PDE4B: variants seen among roughly 807,000 people sequenced by gnomAD.
The protein encoded by PDE4B is phosphodiesterase 4B, also known as 3',5'-cyclic-AMP phosphodiesterase 4B.
In PDE4B, 20 loss-of-function variants were observed where a neutral mutation model predicts 82.2. That is an observed-to-expected ratio of 0.24 (90% confidence interval 0.17 to 0.35). PDE4B has a LOEUF of 0.35. Among genes scored for constraint, PDE4B ranks in the 10% least tolerant of loss-of-function variants. The pLI is 1.00. For missense variants in PDE4B, 655 were observed against 907.2 expected (o/e 0.72, Z 3.57); for synonymous variants, 320 against 318.9 (o/e 1.00, Z -0.04).
At chr1:65,838,940 TAGTA>T (rs1165691083) in intron 1 of PDE4B, among the ~76,000 whole-genome samples, 1 of 152,156 alleles carries the variant, frequency 6.6e-6, no homozygotes, top group Admixed American at 6.6e-5. Context: ...ACCTTGAAGC[TAGTA>T]AGTGTTTTGT....
intron 1 of PDE4B, among the ~76,000 whole-genome samples, chr1:65,885,963 T>C (rs985940641): frequency 1.3e-5 from 2 of 151,010 alleles, no homozygotes; most frequent in Non-Finnish European, 2.9e-5. Flanking sequence ...ACTAGCCATA[T>C]GTGACTAGTG....
intron 8 of PDE4B, among the ~76,000 whole-genome samples, chr1:66,347,287 C>T: frequency 6.6e-6 from 1 of 152,100 alleles, no homozygotes; most frequent in Non-Finnish European, 1.5e-5. Flanking sequence ...ACATAACAAG[C>T]CCAACTACCT....
At chr1:65,820,142 G>A (rs372413370) in intron 1 of PDE4B, among the ~76,000 whole-genome samples, 38 of 152,200 alleles carry the variant, frequency 2.5e-4, no homozygotes, top group African/African-American at 9.2e-4. Flanking sequence ...CTGAAATTGG[G>A]AATGGAGGTG....
chr1:65,920,761 T>G (rs1251549110), intron 3 of PDE4B, among the ~76,000 whole-genome samples: 2 of 152,108 alleles, frequency 1.3e-5, no homozygotes, highest in East Asian at 3.9e-4. Flanking sequence ...GTAGCCTCAT[T>G]CTTGGCGTCA....
intron 3 of PDE4B, among the ~76,000 whole-genome samples, chr1:66,201,211 G>A (rs1224450091): frequency 6.6e-6 from 1 of 152,178 alleles, no homozygotes; most frequent in African/African-American, 2.4e-5. Context: ...TGATCATGGT[G>A]GATAAGCTTT....
At chr1:65,922,546 G>A (rs138429092) in intron 3 of PDE4B, among the ~76,000 whole-genome samples, 13 of 152,210 alleles carry the variant, frequency 8.5e-5, no homozygotes, top group African/African-American at 3.1e-4. Context: ...TCCTAATATT[G>A]AAACCTATAA....
At chr1:66,049,837 T>A (rs1654919956) in intron 3 of PDE4B, among the ~76,000 whole-genome samples, 1 of 152,044 alleles carries the variant, frequency 6.6e-6, no homozygotes, top group Non-Finnish European at 1.5e-5. Context: ...AAAATGCCTT[T>A]CACTTTAATT....
intron 3 of PDE4B, among the ~76,000 whole-genome samples, chr1:66,174,173 T>C (rs1226057963): frequency 6.6e-6 from 1 of 152,202 alleles, no homozygotes; most frequent in African/African-American, 2.4e-5. Flanking sequence ...AAAATGGAAC[T>C]CTACATTTTC....
At chr1:65,970,217 CT>C (rs34884275) in intron 3 of PDE4B, among the ~76,000 whole-genome samples, 47,629 of 143,348 alleles carry the variant, frequency 0.33, 7,881 homozygotes, top group Middle Eastern at 0.47. Flanking sequence ...CAAATATTTT[CT>C]TTTTTTTTTT....
intron 3 of PDE4B, among the ~76,000 whole-genome samples, chr1:66,116,662 C>T (rs971992159): frequency 4.6e-5 from 7 of 152,160 alleles, no homozygotes; most frequent in Admixed American, 1.3e-4. Context: ...CTTCTTGGCT[C>T]AAGCTATCCT....
chr1:65,939,150 T>C (rs764402680), intron 3 of PDE4B, among the ~76,000 whole-genome samples: 2 of 152,040 alleles, frequency 1.3e-5, no homozygotes, highest in African/African-American at 2.4e-5. Context: ...CTAATAAGGG[T>C]ATAGAAGAGA....
chr1:66,059,441 A>T (rs1570117894), intron 3 of PDE4B, among the ~76,000 whole-genome samples: 1 of 152,172 alleles, frequency 6.6e-6, no homozygotes, highest in African/African-American at 2.4e-5. Context: ...GTCTGCTTTC[A>T]TGCTGCTGAT....
In PDE4B at chr1:66,355,598, A is replaced by G. The variant is rs1393742839; in HGVS notation, c.819A>G (p.Glu273=). Reference sequence around the variant, plus strand: ...GCCGATCAGGGAACCAGGTGTCTGAATACATTTCAAATACTTTCTTAGGTA... The same window carrying G: ...GCCGATCAGGGAACCAGGTGTCTGAGTACATTTCAAATACTTTCTTAGGTA... ...EMSRSGNQVS[E]YISNTFLDKQ... is the part of the protein sequence containing the mutation. Residue 273 remains glutamate, a synonymous_variant, in exon 9 of 17, where the codon GAA becomes GAG. Transcript: ENST00000341517. 1.1e-5 allele frequency: 17 copies of G among 1,607,034 alleles called. No individual in the cohort carries two copies. The highest frequency in any genetic ancestry group is 1.4e-5 in the Non-Finnish European group (16 of 1,173,978).
At chr1:66,038,591 A>G (rs1654188285) in intron 3 of PDE4B, among the ~76,000 whole-genome samples, 1 of 152,120 alleles carries the variant, frequency 6.6e-6, no homozygotes, top group Admixed American at 6.5e-5. Context: ...GAGATGGTAG[A>G]AATAGGAAAT....
At chr1:65,863,640 A>G (rs560831234) in intron 1 of PDE4B, among the ~76,000 whole-genome samples, 6 of 152,300 alleles carry the variant, frequency 3.9e-5, no homozygotes, top group African/African-American at 1.4e-4. Flanking sequence ...TGGGAGTCTA[A>G]GTCTCTTTGT....
intron 8 of PDE4B, chr1:66,355,157 A>G (rs1662140045): frequency 2.5e-6 from 1 of 401,416 alleles, no homozygotes; most frequent in Non-Finnish European, 4.4e-6. Context: ...AACTTTTCAC[A>G]TATAATCTCC....
At position 66,280,805 on chromosome 1, in the gene PDE4B, A is replaced by G. The variant is rs149805343; in HGVS notation, c.634+14718A>G. Among the ~76,000 whole-genome samples the G allele has an allele frequency of 2.6e-5, 4 of 152,212 alleles. No individual in the cohort carries two copies. In the East Asian group the frequency reaches 7.7e-4, roughly 29 times the overall value. On this transcript the variant is annotated intron_variant, in intron 7 of 16. Transcript: ENST00000341517. ...TATGTTTCCGGTAAGTCTTTTAAAG[A>G]CATTTGGCTCCTGCCTCTGGTCTTG...
chr1:66,023,454 T>C (rs1653256434), intron 3 of PDE4B, among the ~76,000 whole-genome samples: 1 of 152,116 alleles, frequency 6.6e-6, no homozygotes, highest in Admixed American at 6.6e-5. Flanking sequence ...AGGTAGCATA[T>C]GCTCAGATCC....
intron 3 of PDE4B, among the ~76,000 whole-genome samples, chr1:65,997,671 T>C (rs2100696539): frequency 6.6e-6 from 1 of 152,326 alleles, no homozygotes; most frequent in East Asian, 1.9e-4. Context: ...TGTTTATTGA[T>C]TCAACATTTG....
Sources: gnomAD v4.1 joint callset for allele counts (sites outside exome capture counted in the v4.1 genomes callset) on GRCh38, gnomAD v4.1.1 for gene constraint, MANE v1.5 for transcripts, NCBI Gene and HGNC (gene_info 2026-07-23, HGNC 2026-07-21) for gene names.